Variants in CACHD1 observed in about 807,000 individuals in gnomAD.
CACHD1 encodes the protein cache domain containing 1, also known as VWFA and cache domain-containing protein 1.
CACHD1 carries 71 observed loss-of-function variants against 138.7 expected under a neutral mutation model. The ratio of observed to expected loss-of-function variants is 0.51; its 90% CI spans 0.42 to 0.62. The LOEUF is 0.62. Ranked by LOEUF, CACHD1 falls within the 20% of genes least tolerant of loss-of-function variation. CACHD1 has a pLI of 0.00. For synonymous variants in CACHD1, 578 were observed against 591.5 expected (o/e 0.98, Z 0.33); for missense variants, 1,389 against 1,625.3 (o/e 0.85, Z 2.50).
At chr1:64,558,537 G>T (rs1646815386) in intron 2 of CACHD1, among the ~76,000 whole-genome samples, 1 of 152,094 alleles carries the variant, frequency 6.6e-6, no homozygotes, top group South Asian at 2.1e-4. Flanking sequence ...GTTTGGCTAT[G>T]AAAATTCTGG....
intron 24 of CACHD1, among the ~76,000 whole-genome samples, chr1:64,680,256 AG>A (rs904251503): frequency 2.9e-4 from 44 of 152,128 alleles, no homozygotes; most frequent in African/African-American, 1.0e-3. Context: ...TGGGAGGCCG[AG>A]GTGGGTGGAT....
chr1:64,484,639 C>T (rs182321487), intron 1 of CACHD1, among the ~76,000 whole-genome samples: 12 of 152,336 alleles, frequency 7.9e-5, no homozygotes, highest in Non-Finnish European at 1.5e-4. Context: ...TGCCCCATTC[C>T]TCCCTCTCGC....
intron 8 of CACHD1, among the ~76,000 whole-genome samples, chr1:64,643,194 G>C (rs1328582119): frequency 6.6e-6 from 1 of 152,054 alleles, no homozygotes; most frequent in Non-Finnish European, 1.5e-5. Context: ...ATGTGCTAAG[G>C]GTTCCTTGGG....
chr1:64,594,186 A>G (rs7412321), intron 3 of CACHD1, among the ~76,000 whole-genome samples: 49,377 of 151,086 alleles, frequency 0.33, 9,389 homozygotes, highest in African/African-American at 0.53. Flanking sequence ...CTCGGGAGGC[A>G]GAGGTTGCAG....
intron 1 of CACHD1, among the ~76,000 whole-genome samples, chr1:64,501,165 G>T (rs1445244729): frequency 6.6e-6 from 1 of 152,076 alleles, no homozygotes; most frequent in Non-Finnish European, 1.5e-5. Context: ...CAAATGTGAA[G>T]ATTCTCTATT....
intron 2 of CACHD1, among the ~76,000 whole-genome samples, chr1:64,571,369 A>G (rs1646926032): frequency 6.6e-6 from 1 of 152,220 alleles, no homozygotes; most frequent in Non-Finnish European, 1.5e-5. Flanking sequence ...GAGACCTTGC[A>G]ATTACTGTAA....
rs967753674 is a variant in CACHD1, at chr1:64,691,850, C to G, written c.*289C>G. ...GTAACAGAAGGCGAACCTCCAAACA[C>G]AGAGACGGAACCTGCAAGTGAAGCT... On this transcript the variant is annotated 3_prime_UTR_variant, in exon 27 of 27. Transcript: ENST00000651257. 6.1e-5 allele frequency: 24 copies of G among 396,490 alleles called. No individual in the cohort carries two copies. In the South Asian group the frequency reaches 7.3e-4, roughly 12 times the overall value. 24.6% of individuals were successfully genotyped at this position (396,490 alleles called of 1,614,324 possible).
intron 9 of CACHD1, among the ~76,000 whole-genome samples, chr1:64,651,353 T>G (rs1368660612): frequency 1.3e-5 from 2 of 152,138 alleles, no homozygotes; most frequent in Non-Finnish European, 2.9e-5. Flanking sequence ...CTTTCTAAAT[T>G]TTTTCCCCTT....
intron 3 of CACHD1, among the ~76,000 whole-genome samples, chr1:64,598,963 C>G (rs1426611400): frequency 1.3e-5 from 2 of 149,104 alleles, no homozygotes; most frequent in Non-Finnish European, 3.0e-5. Flanking sequence ...AATATCATTG[C>G]CTTTGGGAAA....
chr1:64,539,059 A>T (rs573577539), intron 1 of CACHD1, among the ~76,000 whole-genome samples: 1 of 152,110 alleles, frequency 6.6e-6, no homozygotes, highest in African/African-American at 2.4e-5. Context: ...CACATGGGAA[A>T]CTCAACGTCA....
At chr1:64,620,686 T>C (rs1647881597) in intron 4 of CACHD1, among the ~76,000 whole-genome samples, 1 of 152,236 alleles carries the variant, frequency 6.6e-6, no homozygotes, top group African/African-American at 2.4e-5. Context: ...AGACCTACCA[T>C]ACTCTTTCTT....
rs1223790491 is a variant in CACHD1 at position 64,617,172 on chromosome 1, AC to A, written c.518-12181del. 2.3e-4 allele frequency among the ~76,000 whole-genome samples: 25 copies of A among 106,396 alleles called. No individual in the cohort carries two copies. In the East Asian group the frequency reaches 4.0e-3, roughly 17 times the overall value. The allele number at this position is 106,396 out of a possible 152,430, so 69.8% of individuals were successfully genotyped here. On this transcript the variant is annotated intron_variant, in intron 4 of 26. Transcript: ENST00000651257. ...AAAACAAAACAAAACAAAAAAAAAA[AC>A]CAGCAAAACTATTGTTCAGCCGCCA...
intron 2 of CACHD1, among the ~76,000 whole-genome samples, chr1:64,562,612 G>A (rs1457765434): frequency 6.7e-6 from 1 of 150,258 alleles, no homozygotes; most frequent in Non-Finnish European, 1.5e-5. Context: ...TAGTAGAGAT[G>A]GGGTTTCACC....
At chr1:64,522,174 T>C (rs948708204) in intron 1 of CACHD1, among the ~76,000 whole-genome samples, 41 of 152,210 alleles carry the variant, frequency 2.7e-4, no homozygotes, top group African/African-American at 9.9e-4. Context: ...CATGTGGATA[T>C]CCAATTGTCC....
At chr1:64,625,410 T>G (rs1016665126) in intron 4 of CACHD1, among the ~76,000 whole-genome samples, 1 of 152,122 alleles carries the variant, frequency 6.6e-6, no homozygotes, top group African/African-American at 2.4e-5. Context: ...GCGGATCACT[T>G]GAAGTCGGGA....
In CACHD1 at chr1:64,663,721, G is replaced by T; in HGVS notation, c.1978G>T (p.Gly660Cys). The T allele has an allele frequency of 6.2e-7, 1 of 1,614,046 alleles. No homozygotes were observed. The highest frequency in any genetic ancestry group is 8.5e-7 in the Non-Finnish European group (1 of 1,179,990). ...AAGTCCCACCATCATGCTGTCTGCTGGCAGCTTTTCCTCCCCCTATGAGCA... is the reference window on the plus strand; with the variant it reads ...AAGTCCCACCATCATGCTGTCTGCTTGCAGCTTTTCCTCCCCCTATGAGCA... ...LESPTIMLSA[G>C]SFSSPYEHLS... is the part of the protein sequence containing the mutation. Residue 660 changes from glycine to cysteine, a missense_variant, in exon 14 of 27, where the codon GGC becomes TGC. Gly to Cys is a radical substitution (Grantham distance 159, BLOSUM62 -3). Transcript: ENST00000651257.
At chr1:64,656,959 C>T (rs890165709) in intron 12 of CACHD1, among the ~76,000 whole-genome samples, 1 of 152,086 alleles carries the variant, frequency 6.6e-6, no homozygotes, top group Non-Finnish European at 1.5e-5. Context: ...AGGACAATTG[C>T]CTAAACTGCT....
chr1:64,637,866 A>G (rs1648577606), intron 7 of CACHD1, among the ~76,000 whole-genome samples: 1 of 152,208 alleles, frequency 6.6e-6, no homozygotes, highest in Non-Finnish European at 1.5e-5. Flanking sequence ...GGGTACTCTC[A>G]GGCAATATTG....
chr1:64,499,423 C>A (rs1646324987), intron 1 of CACHD1, among the ~76,000 whole-genome samples: 1 of 152,208 alleles, frequency 6.6e-6, no homozygotes, highest in African/African-American at 2.4e-5. Flanking sequence ...AGGAGTCTGC[C>A]ACACACTTTG....
Sources: gnomAD v4.1 joint callset for allele counts (sites outside exome capture counted in the v4.1 genomes callset) on GRCh38, gnomAD v4.1.1 for gene constraint, MANE v1.5 for transcripts, NCBI Gene and HGNC (gene_info 2026-07-23, HGNC 2026-07-21) for gene names.